The following LIN28B variants were observed in gnomAD, a reference collection of about 807,000 sequenced individuals.
LIN28B encodes the protein lin-28 RNA binding posttranscriptional regulator B, also known as protein lin-28 homolog B.
A neutral mutation model predicts 21.9 loss-of-function variants in LIN28B; 5 were observed. The ratio of observed to expected loss-of-function variants is 0.23; its 90% CI spans 0.12 to 0.48. LIN28B has a LOEUF of 0.48. LIN28B is among the 20% of genes least tolerant of loss of function. LIN28B has a pLI of 0.98. For missense variants in LIN28B, 245 were observed against 310.5 expected (o/e 0.79, Z 1.58); for synonymous variants, 109 against 111.3 (o/e 0.98, Z 0.13).
chr6:104,942,996 A>G (rs962801785), intron 2 of LIN28B, among the ~76,000 whole-genome samples: 3 of 152,106 alleles, frequency 2.0e-5, no homozygotes, highest in Non-Finnish European at 2.9e-5. Flanking sequence ...GTTCTCTGCT[A>G]GACTTCAGAA....
intron 3 of LIN28B, among the ~76,000 whole-genome samples, chr6:105,056,043 G>C (rs192572401): frequency 6.7e-6 from 1 of 149,164 alleles, no homozygotes; most frequent in Non-Finnish European, 1.5e-5. Context: ...TTACAAGCAT[G>C]AGCCACTGTG....
intron 2 of LIN28B, among the ~76,000 whole-genome samples, chr6:105,020,275 C>A (rs1771111136): frequency 6.6e-6 from 1 of 151,440 alleles, no homozygotes; most frequent in African/African-American, 2.4e-5. Flanking sequence ...TGCACCTGGC[C>A]CCTGTTCATA....
intron 2 of LIN28B, among the ~76,000 whole-genome samples, chr6:105,018,979 C>G (rs1771083262): frequency 1.3e-5 from 2 of 151,036 alleles, no homozygotes; most frequent in South Asian, 4.2e-4. Context: ...GAGTTTCACT[C>G]TTGTTGCCCA....
intron 2 of LIN28B, among the ~76,000 whole-genome samples, chr6:104,962,598 A>T (rs1769769321): frequency 6.6e-6 from 1 of 152,290 alleles, no homozygotes; most frequent in East Asian, 1.9e-4. Context: ...GTGCTTAAAT[A>T]TATGAAAAAT....
chr6:105,035,483 G>A (rs1301529585), intron 3 of LIN28B, among the ~76,000 whole-genome samples: 2 of 152,038 alleles, frequency 1.3e-5, no homozygotes, highest in Non-Finnish European at 2.9e-5. Context: ...AACATCTGAG[G>A]GCAGGAGATT....
intron 3 of LIN28B, among the ~76,000 whole-genome samples, chr6:105,058,463 T>C (rs1772064631): frequency 6.6e-6 from 1 of 152,214 alleles, no homozygotes; most frequent in African/African-American, 2.4e-5. Flanking sequence ...ACTCCTCTGC[T>C]GCATCAACCA....
chr6:104,967,593 A>G (rs1421227676), intron 2 of LIN28B, among the ~76,000 whole-genome samples: 18 of 150,198 alleles, frequency 1.2e-4, no homozygotes, highest in Admixed American at 2.7e-4. Flanking sequence ...AAAAAAAAAA[A>G]AAAAAAGAAA....
chr6:104,950,517 T>C (rs1045597199), intron 3 of LIN28B: 3 of 256,222 alleles, frequency 1.2e-5, no homozygotes, highest in Non-Finnish European at 1.2e-5. Context: ...CAGGTTAGTC[T>C]TTTTTTTTTT....
intron 2 of LIN28B, among the ~76,000 whole-genome samples, chr6:104,999,869 G>A (rs1056638674): frequency 6.6e-6 from 1 of 151,990 alleles, no homozygotes; most frequent in East Asian, 1.9e-4. Context: ...TATTAGAGAC[G>A]GGGTTTCTCC....
At chr6:105,053,481 A>G (rs541281699) in intron 3 of LIN28B, among the ~76,000 whole-genome samples, 79 of 149,570 alleles carry the variant, frequency 5.3e-4, no homozygotes, top group African/African-American at 1.6e-3. Context: ...GGATTTCTCT[A>G]TTTCTTCTTT....
intron 2 of LIN28B, among the ~76,000 whole-genome samples, chr6:104,961,062 A>G (rs1289383900): frequency 6.6e-6 from 1 of 152,162 alleles, no homozygotes; most frequent in Non-Finnish European, 1.5e-5. Context: ...GTTTAAAATG[A>G]CAGTCTTCAT....
intron 2 of LIN28B, among the ~76,000 whole-genome samples, chr6:105,008,935 GTTA>G (rs1199021836): frequency 6.6e-6 from 1 of 152,114 alleles, no homozygotes; most frequent in African/African-American, 2.4e-5. Flanking sequence ...GAACTAACAA[GTTA>G]TTATAATAAG....
intron 3 of LIN28B, among the ~76,000 whole-genome samples, chr6:105,028,255 A>G (rs1473090938): frequency 6.6e-6 from 1 of 152,140 alleles, no homozygotes; most frequent in Non-Finnish European, 1.5e-5. Flanking sequence ...TTCATATTGG[A>G]TCTTGTCAAC....
chr6:105,053,049 A>G (rs1582921263), intron 3 of LIN28B, among the ~76,000 whole-genome samples: 2 of 152,228 alleles, frequency 1.3e-5, no homozygotes, highest in African/African-American at 4.8e-5. Context: ...GCTGCATTTC[A>G]CAAATCTTAA....
At chr6:105,002,690 G>A (rs963058043) in intron 2 of LIN28B, among the ~76,000 whole-genome samples, 3 of 152,268 alleles carry the variant, frequency 2.0e-5, no homozygotes, top group Admixed American at 6.5e-5. Context: ...TGAAGAGGTC[G>A]TCAATATTGC....
chr6:105,007,272 A>G (rs1435305668), intron 2 of LIN28B, among the ~76,000 whole-genome samples: 1 of 152,212 alleles, frequency 6.6e-6, no homozygotes, highest in Non-Finnish European at 1.5e-5. Context: ...ATTTGAATTT[A>G]TTATTCAAAA....
intron 2 of LIN28B, among the ~76,000 whole-genome samples, chr6:104,995,639 A>G (rs1019953375): frequency 3.3e-5 from 5 of 152,218 alleles, no homozygotes; most frequent in Non-Finnish European, 7.3e-5. Flanking sequence ...CCAGTAAATA[A>G]GAGGGATTAG....
chr6:104,951,225 C>T (rs1464624836), intron 3 of LIN28B, among the ~76,000 whole-genome samples: 1 of 152,014 alleles, frequency 6.6e-6, no homozygotes, highest in Non-Finnish European at 1.5e-5. Flanking sequence ...TGAAGGCACA[C>T]ATAGGAGCTG....
intron 2 of LIN28B, among the ~76,000 whole-genome samples, chr6:105,014,343 G>T (rs886727051): frequency 2.0e-5 from 3 of 152,092 alleles, no homozygotes; most frequent in African/African-American, 7.2e-5. Flanking sequence ...TTTTGAGACG[G>T]AGTTTCACTC....
Sources: allele counts gnomAD v4.1 joint callset (sites outside exome capture counted in the v4.1 genomes callset), GRCh38; gene constraint gnomAD v4.1.1; transcripts MANE v1.5; gene names NCBI Gene and HGNC (gene_info 2026-07-23, HGNC 2026-07-21).